The following HAPLN1 variants were observed in gnomAD, a reference collection of about 807,000 sequenced individuals.
HAPLN1 encodes the protein hyaluronan and proteoglycan link protein 1.
In HAPLN1, 13 loss-of-function variants were observed where a neutral mutation model predicts 36.5. The ratio of observed to expected loss-of-function variants is 0.36; its 90% CI spans 0.23 to 0.57. The LOEUF (loss-of-function observed/expected upper bound fraction) is 0.57. Among genes scored for constraint, HAPLN1 ranks in the 20% least tolerant of loss-of-function variants. HAPLN1 has a pLI of 0.83. For missense variants in HAPLN1, 407 were observed against 439.7 expected, an observed-to-expected ratio of 0.93 and a Z score of 0.66; for synonymous variants, 202 against 169.8, an observed-to-expected ratio of 1.19 and a Z score of -1.48.
chr5:83,666,042 T>C (rs978352670), intron 2 of HAPLN1, among the ~76,000 whole-genome samples: 4 of 152,214 alleles, frequency 2.6e-5, no homozygotes, highest in Non-Finnish European at 5.9e-5. Flanking sequence ...TTTAATGTTT[T>C]CATTTTGAAA....
intron 1 of HAPLN1, among the ~76,000 whole-genome samples, chr5:83,692,945 C>T (rs1055279254): frequency 3.3e-5 from 5 of 151,852 alleles, no homozygotes; most frequent in African/African-American, 2.4e-5. Context: ...TCAAGGGATA[C>T]ATTCTAAGAC....
chr5:83,708,446 C>T (rs1331196169), intron 1 of HAPLN1, among the ~76,000 whole-genome samples: 1 of 152,106 alleles, frequency 6.6e-6, no homozygotes, highest in Non-Finnish European at 1.5e-5. Context: ...TTATCCTTAG[C>T]AAACTAACAC....
In HAPLN1 at chr5:83,639,202, G is replaced by C. The variant is rs910028803; in HGVS notation, c.*2294C>G. 6.6e-6 allele frequency: 1 copy of C among 152,046 alleles called. No individual in the cohort carries two copies. Among genetic ancestry groups the C allele is most frequent in the Admixed American group, 6.6e-5 (1 of 15,264 alleles). 9.4% of individuals were successfully genotyped at this position (152,046 alleles called of 1,614,324 possible). Reference sequence around the variant, plus strand: ...AGACTCATTCAAGTATGAGTATAAAGGGCATGGAAATTCTGGTCCTTTGAG... The same window carrying C: ...AGACTCATTCAAGTATGAGTATAAACGGCATGGAAATTCTGGTCCTTTGAG... On this transcript the variant is annotated 3_prime_UTR_variant, in exon 5 of 5. Coordinates refer to ENST00000274341, the MANE Select transcript of HAPLN1 (RefSeq NM_001884.4).
intron 2 of HAPLN1, among the ~76,000 whole-genome samples, chr5:83,654,849 C>T (rs539634030): frequency 6.6e-6 from 1 of 152,294 alleles, no homozygotes; most frequent in Non-Finnish European, 1.5e-5. Flanking sequence ...TAGCCTTGGG[C>T]AAGTTGTGCA....
chr5:83,676,574 T>G (rs919199973), intron 1 of HAPLN1, among the ~76,000 whole-genome samples: 11 of 152,188 alleles, frequency 7.2e-5, no homozygotes, highest in Non-Finnish European at 8.8e-5. Context: ...TAAGTGCTGG[T>G]CCCAGTAGAA....
intron 1 of HAPLN1, among the ~76,000 whole-genome samples, chr5:83,700,307 G>T (rs1441933744): frequency 6.6e-6 from 1 of 152,008 alleles, no homozygotes; most frequent in East Asian, 1.9e-4. Context: ...AGAAAAGAAT[G>T]GATTTCCAAT....
intron 1 of HAPLN1, among the ~76,000 whole-genome samples, chr5:83,677,973 A>C (rs1750897634): frequency 6.6e-6 from 1 of 152,178 alleles, no homozygotes; most frequent in Admixed American, 6.5e-5. Flanking sequence ...GGCCCCTGAT[A>C]CACTGAATCA....
chr5:83,700,347 C>T (rs941683994), intron 1 of HAPLN1, among the ~76,000 whole-genome samples: 1 of 152,080 alleles, frequency 6.6e-6, no homozygotes, highest in Non-Finnish European at 1.5e-5. Flanking sequence ...CTGAAGGACC[C>T]TTTTCCCACC....
intron 1 of HAPLN1, among the ~76,000 whole-genome samples, chr5:83,674,967 A>G (rs1464326839): frequency 2.6e-5 from 4 of 152,212 alleles, no homozygotes; most frequent in Non-Finnish European, 4.4e-5. Context: ...AGAAGATGGT[A>G]GATAAGCAAA....
rs962883787 is a variant in HAPLN1 at position 83,652,761 on chromosome 5, C to G, written c.164G>C (p.Gly55Ala). ...EQAKVFSHRG[G>A]NVTLPCKFYR... ...AAATTTACATGGCAGTGTAACATTG[C>G]CACCTCTGTGTGAAAACACCTTGGC... Residue 55 changes from glycine to alanine, a missense_variant, in exon 3 of 5, where the codon GGC becomes GCC. Physicochemically the swap from Gly to Ala is moderately conservative, Grantham distance 60 (BLOSUM62 0). Coordinates refer to ENST00000274341, the MANE Select transcript of HAPLN1 (RefSeq NM_001884.4). 1.9e-6 allele frequency: 3 copies of G among 1,613,706 alleles called. No homozygotes were observed. The African/African-American group carries it at 4.0e-5, about 22-fold the overall frequency.
At chr5:83,701,838 A>G (rs1266464873) in intron 1 of HAPLN1, among the ~76,000 whole-genome samples, 2 of 151,860 alleles carry the variant, frequency 1.3e-5, no homozygotes, top group Admixed American at 1.3e-4. Flanking sequence ...AGGCAGGAGA[A>G]TTGCTTGAAC....
chr5:83,703,858 G>A lies in HAPLN1; in HGVS notation c.-27+16931C>T, dbSNP rs117718768. Among the ~76,000 whole-genome samples the A allele has an allele frequency of 9.5e-3, 1,446 of 151,970 alleles. 107 individuals are homozygous for A. The East Asian group carries it at 0.19, about 20-fold the overall frequency. ...GCCTCTCTGGCAAGTTTTGGGAAAG[G>A]CCCAGAGAGGCCATAGTTGACTTCA... On this transcript the variant is annotated intron_variant, in intron 1 of 4. Transcript: ENST00000274341.
chr5:83,665,666 A>G (rs939479224), intron 2 of HAPLN1, among the ~76,000 whole-genome samples: 2 of 152,206 alleles, frequency 1.3e-5, no homozygotes, highest in East Asian at 1.9e-4. Flanking sequence ...CATTTTATAC[A>G]TGATGGATTA....
At chr5:83,694,767 C>T (rs1159475950) in intron 1 of HAPLN1, among the ~76,000 whole-genome samples, 3 of 151,830 alleles carry the variant, frequency 2.0e-5, no homozygotes, top group Admixed American at 6.6e-5. Context: ...TGAATAACAA[C>T]AAAAATGAAC....
rs79822061 is a variant in HAPLN1 at position 83,647,732 on chromosome 5, T to C, written c.473-3067A>G. On this transcript the variant is annotated intron_variant, in intron 3 of 4. Coordinates refer to ENST00000274341, the MANE Select transcript of HAPLN1 (RefSeq NM_001884.4). Reference sequence around the variant, plus strand: ...GTCCAAGGAATATCTGACTAATTTATCCTCCATACTTATATGTCAAAATAT... The same window carrying C: ...GTCCAAGGAATATCTGACTAATTTACCCTCCATACTTATATGTCAAAATAT... Among the ~76,000 whole-genome samples, 945 of 152,300 alleles carry C rather than the reference T, an allele frequency of 6.2e-3. 12 individuals are homozygous for C. Among genetic ancestry groups the C allele is most frequent in the African/African-American group, 0.022 (897 of 41,558 alleles).
intron 1 of HAPLN1, among the ~76,000 whole-genome samples, chr5:83,705,387 C>CAAAAAAAAAAAAGAAAA (rs1751616312): frequency 1.2e-5 from 1 of 85,424 alleles, no homozygotes; most frequent in African/African-American, 4.8e-5. Context: ...TGAAACGTCA[C>CAAAAAAAAAAAAGAAAA]AAAAAAAAAA....
chr5:83,700,298 GA>G (rs577743414), intron 1 of HAPLN1, among the ~76,000 whole-genome samples: 124 of 151,778 alleles, frequency 8.2e-4, no homozygotes, highest in African/African-American at 2.9e-3. Context: ...TTTTAAAAGA[GA>G]AAAGAATGGA....
intron 3 of HAPLN1, among the ~76,000 whole-genome samples, chr5:83,645,241 A>T (rs768876784): frequency 2.0e-5 from 3 of 152,172 alleles, no homozygotes; most frequent in Admixed American, 1.3e-4. Context: ...CATATTAACA[A>T]ATTATTCAAA....
chr5:83,700,491 A>C (rs1751483043), intron 1 of HAPLN1, among the ~76,000 whole-genome samples: 1 of 152,126 alleles, frequency 6.6e-6, no homozygotes, highest in Non-Finnish European at 1.5e-5. Context: ...GGTGCAGGCA[A>C]GGAGGAATAG....
Sources: gnomAD v4.1 joint callset for allele counts (sites outside exome capture counted in the v4.1 genomes callset) on GRCh38, gnomAD v4.1.1 for gene constraint, MANE v1.5 for transcripts, NCBI Gene and HGNC (gene_info 2026-07-23, HGNC 2026-07-21) for gene names.